The following ZNF625 variants were observed in gnomAD, a reference collection of about 807,000 sequenced individuals.
ZNF625 encodes zinc finger protein 625.
Under a neutral mutation model 11.1 loss-of-function variants are expected in ZNF625, and 8 were observed. That is an observed-to-expected ratio of 0.72 (90% confidence interval 0.42 to 1.30). The LOEUF (loss-of-function observed/expected upper bound fraction) is 1.30. Among genes scored for constraint, ZNF625 ranks in the 50% most tolerant of loss-of-function variants. ZNF625 has a pLI of 0.01. For synonymous variants in ZNF625, 145 were observed against 153.4 expected, an observed-to-expected ratio of 0.95 and a Z score of 0.41; for missense variants, 349 against 447.6, an observed-to-expected ratio of 0.78 and a Z score of 1.99.
At chr19:12,146,970 A>ATTTTTTTCTTTTTTTTTTTTT (rs1976884158) in intron 3 of ZNF625, among the ~76,000 whole-genome samples, 1 of 130,820 alleles carries the variant, frequency 7.6e-6, no homozygotes, top group African/African-American at 3.0e-5. Context: ...GTTTTTAGAG[A>ATTTTTTTCTTTTTTTTTTTTT]TTTTTTTTTT....
Position 12,145,617 on chromosome 19 carries a change from T to C in ZNF625, c.799A>G (p.Ile267Val). 6.2e-7 allele frequency: 1 copy of C among 1,614,032 alleles called. No homozygotes were observed. The highest frequency in any genetic ancestry group is 8.5e-7 in the Non-Finnish European group (1 of 1,180,008). The change falls in exon 4 of 4, where the codon ATA (isoleucine) becomes GTA (valine). Residue 267 changes from isoleucine (I) to valine (V), a missense_variant. By Grantham distance (29) the Ile-to-Val change is conservative. Transcript: ENST00000439556. ...HSSTCLHAHKITHTGEKPYEC... is the reference protein window; with the variant it reads ...HSSTCLHAHKVTHTGEKPYEC... ...TACGGCTTCTCCCCAGTGTGAGTTA[T>C]TTTATGTGCATGGAGGCATGTGGAA... is the stretch of plus-strand genomic sequence containing the variant.
chr19:12,149,446 A>C (rs1599441803), intron 1 of ZNF625, among the ~76,000 whole-genome samples: 1 of 151,558 alleles, frequency 6.6e-6, no homozygotes, highest in East Asian at 1.9e-4. Context: ...TTGTTACAAC[A>C]AGCATGAAAA....
At position 12,145,165 on chromosome 19, in the gene ZNF625, T is replaced by C. The variant is rs1976849357; in HGVS notation, c.*132A>G. On this transcript the variant is annotated 3_prime_UTR_variant, in exon 4 of 4. Coordinates refer to ENST00000439556, the MANE Select transcript of ZNF625 (RefSeq NM_145233.4). ...AATTTTTGCTCCTGGGCTACTGGCA[T>C]TTATTTCTGAATGCTGTCAAATGAC... is the stretch of plus-strand genomic sequence containing the variant. 1.6e-5 allele frequency: 19 copies of C among 1,194,398 alleles called. No individual in the cohort carries two copies. Among genetic ancestry groups the C allele is most frequent in the Non-Finnish European group, 2.1e-5 (18 of 854,296 alleles). 74.0% of individuals were successfully genotyped at this position (1,194,398 alleles called of 1,614,324 possible).
intron 1 of ZNF625, among the ~76,000 whole-genome samples, chr19:12,152,269 C>T (rs1976966987): frequency 1.3e-5 from 2 of 151,820 alleles, no homozygotes; most frequent in African/African-American, 4.8e-5. Context: ...CACACTATAT[C>T]CTGTACTAGA....
At chr19:12,146,966 A>G (rs981263001) in intron 3 of ZNF625, among the ~76,000 whole-genome samples, 1 of 128,460 alleles carries the variant, frequency 7.8e-6, no homozygotes, top group African/African-American at 3.2e-5. Flanking sequence ...ATATGTTTTT[A>G]GAGATTTTTT....
chr19:12,153,884 T>C (rs1976992986), intron 1 of ZNF625, among the ~76,000 whole-genome samples: 1 of 143,050 alleles, frequency 7.0e-6, no homozygotes, highest in South Asian at 2.3e-4. Context: ...CTCAGCTCAC[T>C]GCAAGCTCTC....
At chr19:12,154,641 C>T (rs1411632881) in intron 1 of ZNF625, among the ~76,000 whole-genome samples, 3 of 152,158 alleles carry the variant, frequency 2.0e-5, no homozygotes, top group Middle Eastern at 3.2e-3. Flanking sequence ...GTAGAAAAAT[C>T]CAAACAAGGC....
intron 1 of ZNF625, among the ~76,000 whole-genome samples, chr19:12,152,621 T>A (rs1012750145): frequency 2.6e-5 from 4 of 151,998 alleles, no homozygotes; most frequent in African/African-American, 7.2e-5. Flanking sequence ...GGCGGGAGGA[T>A]CACAAGGTCA....
Position 12,145,723 on chromosome 19 carries a change from A to C in ZNF625, c.693T>G (p.Ser231=), listed in dbSNP as rs1162875170. The C allele has an allele frequency of 6.2e-7, 1 of 1,613,692 alleles. No homozygotes were observed. The highest frequency in any genetic ancestry group is 1.1e-5 in the South Asian group (1 of 91,060). Residue 231 remains serine (S), a synonymous_variant, in exon 4 of 4, where the codon TCT becomes TCG. Coordinates refer to ENST00000439556, the MANE Select transcript of ZNF625 (RefSeq NM_145233.4). ...TTCTTTCATGTATTCGAAGGCTACC[A>C]GAATGACTAAAGGCTTTACCACACT... ...CKQCGKAFSH[S]GSLRIHERTH...
intron 1 of ZNF625, among the ~76,000 whole-genome samples, chr19:12,150,932 T>A (rs1013340603): frequency 6.6e-6 from 1 of 151,984 alleles, no homozygotes; most frequent in African/African-American, 2.4e-5. Flanking sequence ...CCTCCTGCAG[T>A]GATGGGACAC....
intron 1 of ZNF625, 140 bp downstream of exon 1, chr19:12,156,416 G>A (rs1466487889): frequency 1.6e-6 from 1 of 619,448 alleles, no homozygotes; most frequent in Non-Finnish European, 2.4e-6. Flanking sequence ...CGAAGGGACC[G>A]AGGGCCGAGC....
chr19:12,146,241 G>T lies in ZNF625; in HGVS notation c.192-17C>A. 6.2e-7 allele frequency: 1 copy of T among 1,602,834 alleles called. No homozygotes were observed. The highest frequency in any genetic ancestry group is 2.2e-5 in the East Asian group (1 of 44,846). On this transcript the variant is annotated splice_polypyrimidine_tract_variant and intron_variant, in intron 3 of 3. Transcript: ENST00000439556. ...ATAAGACCTCTGTGAACAATGAGAA[G>T]TATATCATAATGGGTTCCTTTATCA...
At chr19:12,156,028 T>A (rs187487884) in intron 1 of ZNF625, among the ~76,000 whole-genome samples, 3,907 of 152,176 alleles carry the variant, frequency 0.026, 76 homozygotes, top group Non-Finnish European at 0.04. Context: ...TTTTTAAAAA[T>A]TTATTTTTAA....
rs866357726 is a variant in ZNF625, at chr19:12,154,660, C to G, written c.3+1896G>C. Among the ~76,000 whole-genome samples, 4 of 152,192 alleles carry G rather than the reference C, an allele frequency of 2.6e-5. No homozygotes were observed. In the South Asian group the frequency reaches 8.3e-4, roughly 31 times the overall value. Reference sequence around the variant, plus strand: ...AAAAATCCAAACAAGGCGACTACATCACTGTAACCAATAAAGTATTTTTTG... The same window carrying G: ...AAAAATCCAAACAAGGCGACTACATGACTGTAACCAATAAAGTATTTTTTG... On this transcript the variant is annotated intron_variant, in intron 1 of 3. Coordinates refer to ENST00000439556, the MANE Select transcript of ZNF625 (RefSeq NM_145233.4).
intron 3 of ZNF625, among the ~76,000 whole-genome samples, chr19:12,146,856 A>G (rs1976881939): frequency 6.6e-6 from 1 of 152,166 alleles, no homozygotes; most frequent in African/African-American, 2.4e-5. Context: ...GGCCGAGTGT[A>G]GCCTCAAACT....
intron 1 of ZNF625, among the ~76,000 whole-genome samples, chr19:12,150,841 C>CT (rs527600758): frequency 1.2e-4 from 19 of 152,076 alleles, no homozygotes; most frequent in Non-Finnish European, 2.6e-4. Context: ...ATGACCACTC[C>CT]TTGTTGTCAC....
At chr19:12,154,192 A>C (rs1021526219) in intron 1 of ZNF625, among the ~76,000 whole-genome samples, 2 of 152,134 alleles carry the variant, frequency 1.3e-5, no homozygotes, top group African/African-American at 4.8e-5. Context: ...ATTATAGATT[A>C]ACTTTCCTCT....
rs1406837331 is a variant in ZNF625, at chr19:12,147,507, AG to A, written c.131-53del. 20 of 1,505,548 alleles carry A rather than the reference AG, an allele frequency of 1.3e-5. No homozygotes were observed. In the African/African-American group the frequency reaches 2.4e-4, roughly 18 times the overall value. 93.3% of individuals were successfully genotyped at this position (1,505,548 alleles called of 1,614,324 possible). On this transcript the variant is annotated intron_variant, in intron 2 of 3. Transcript: ENST00000439556. The stretch of plus-strand genomic sequence containing the variant: ...CCTGAATTAGCAAAATTATGAAAAA[AG>A]TACTAGATTCTAAGTTCATGGTACA...
At chr19:12,152,115 C>T (rs1488996839) in intron 1 of ZNF625, among the ~76,000 whole-genome samples, 1 of 152,000 alleles carries the variant, frequency 6.6e-6, no homozygotes, top group African/African-American at 2.4e-5. Flanking sequence ...AGTATAATGC[C>T]ATATAGGCTA....
Sources: gnomAD v4.1 joint callset for allele counts (sites outside exome capture counted in the v4.1 genomes callset) on GRCh38, gnomAD v4.1.1 for gene constraint, MANE v1.5 for transcripts, NCBI Gene and HGNC (gene_info 2026-07-23, HGNC 2026-07-21) for gene names.